QTMAN: variants seen among roughly 807,000 people sequenced by gnomAD.
QTMAN encodes tRNA-queuosine alpha-mannosyltransferase.
At chr2:144,273,380 C>T in the QTMAN span, among the ~76,000 whole-genome samples, 1 of 152,110 alleles carries the variant, frequency 6.6e-6, no homozygotes. Flanking sequence ...AACAAGCTGG[C>T]TTATGTACAA....
the QTMAN span, among the ~76,000 whole-genome samples, chr2:143,979,448 A>T: frequency 1.3e-5 from 2 of 152,206 alleles, no homozygotes; most frequent in Non-Finnish European, 1.5e-5. Context: ...TGTCCATTGT[A>T]ATAAAATCCA....
At chr2:144,070,355 A>G in the QTMAN span, among the ~76,000 whole-genome samples, 1 of 152,094 alleles carries the variant, frequency 6.6e-6, no homozygotes, top group Admixed American at 6.5e-5. Context: ...CTAATTTTCT[A>G]AATGTATCTA....
At chr2:143,957,074 T>C in the QTMAN span, 1 of 746,478 alleles carries the variant, frequency 1.3e-6, no homozygotes. Context: ...AAATAGGTGA[T>C]AGTCAATTGA....
the QTMAN span, among the ~76,000 whole-genome samples, chr2:144,292,355 CA>C: frequency 2.0e-5 from 3 of 152,160 alleles, no homozygotes; most frequent in African/African-American, 7.2e-5. Context: ...ACCCTTTTCC[CA>C]AATCTTCCCC....
chr2:144,005,242 TTTC>T, the QTMAN span, among the ~76,000 whole-genome samples: 1 of 152,172 alleles, frequency 6.6e-6, no homozygotes, highest in South Asian at 2.1e-4. Context: ...ATAAAGTGCT[TTTC>T]TTTTCTCTTT....
At chr2:144,125,717 C>T in the QTMAN span, among the ~76,000 whole-genome samples, 3 of 151,978 alleles carry the variant, frequency 2.0e-5, no homozygotes, top group African/African-American at 7.3e-5. Context: ...TAGAAAATAC[C>T]TTATTTCATG....
chr2:144,263,141 G>A, the QTMAN span, among the ~76,000 whole-genome samples: 1 of 151,790 alleles, frequency 6.6e-6, no homozygotes, highest in Non-Finnish European at 1.5e-5. Flanking sequence ...AAGTTTTCAG[G>A]ATATGTGCTC....
At chr2:144,062,868 C>G in the QTMAN span, among the ~76,000 whole-genome samples, 2 of 152,058 alleles carry the variant, frequency 1.3e-5, no homozygotes, top group Non-Finnish European at 2.9e-5. Flanking sequence ...CTCCTTTGTA[C>G]GAGAAATTCA....
At chr2:144,079,200 C>G in the QTMAN span, among the ~76,000 whole-genome samples, 9 of 152,150 alleles carry the variant, frequency 5.9e-5, no homozygotes, top group Admixed American at 1.3e-4. Context: ...CATTATTTGG[C>G]AAGCACATAG....
At chr2:144,000,863 A>G in the QTMAN span, among the ~76,000 whole-genome samples, 4 of 152,012 alleles carry the variant, frequency 2.6e-5, no homozygotes, top group African/African-American at 9.7e-5. Flanking sequence ...GAAATAGAAC[A>G]AAGAACATTA....
At chr2:144,313,500 C>T in the QTMAN span, among the ~76,000 whole-genome samples, 523 of 152,206 alleles carry the variant, frequency 3.4e-3, 2 homozygotes, top group African/African-American at 0.012. Flanking sequence ...AGGGGGAAAG[C>T]TACTGACTAA....
the QTMAN span, among the ~76,000 whole-genome samples, chr2:144,168,913 T>G: frequency 6.6e-6 from 1 of 152,028 alleles, no homozygotes; most frequent in Non-Finnish European, 1.5e-5. Flanking sequence ...CATTAAGCTA[T>G]GTATCTAACA....
the QTMAN span, among the ~76,000 whole-genome samples, chr2:143,947,503 T>G: frequency 1.3e-5 from 2 of 152,208 alleles, no homozygotes; most frequent in Non-Finnish European, 2.9e-5. Context: ...TACATACAAG[T>G]TTCTGCCGTG....
the QTMAN span, among the ~76,000 whole-genome samples, chr2:143,963,599 C>T: frequency 5.9e-5 from 9 of 151,736 alleles, no homozygotes; most frequent in Non-Finnish European, 1.2e-4. Context: ...TGCTAGTTTG[C>T]CCTTTCATTT....
the QTMAN span, among the ~76,000 whole-genome samples, chr2:144,320,767 C>T: frequency 1.3e-5 from 2 of 152,330 alleles, no homozygotes; most frequent in South Asian, 2.1e-4. Flanking sequence ...AGCTGATCAT[C>T]AGTTCTATGC....
At chr2:144,139,175 T>TA in the QTMAN span, among the ~76,000 whole-genome samples, 2 of 152,072 alleles carry the variant, frequency 1.3e-5, no homozygotes, top group South Asian at 2.1e-4. Context: ...CTCAAGGTGA[T>TA]AAAGTAAATA....
At chr2:143,977,099 T>C in the QTMAN span, among the ~76,000 whole-genome samples, 1 of 152,190 alleles carries the variant, frequency 6.6e-6, no homozygotes, top group Non-Finnish European at 1.5e-5. Context: ...TCTCCATCTT[T>C]TGTATTTGTA....
chr2:143,965,533 C>T, the QTMAN span, among the ~76,000 whole-genome samples: 1 of 152,150 alleles, frequency 6.6e-6, no homozygotes, highest in Non-Finnish European at 1.5e-5. Flanking sequence ...GACCCAGTCC[C>T]AAGCCTGGTT....
At chr2:144,120,341 C>A in the QTMAN span, among the ~76,000 whole-genome samples, 1 of 152,134 alleles carries the variant, frequency 6.6e-6, no homozygotes, top group Non-Finnish European at 1.5e-5. Flanking sequence ...TCCAACTGCC[C>A]CAATATCTGT....
Sources: allele counts gnomAD v4.1 joint callset (sites outside exome capture counted in the v4.1 genomes callset), GRCh38; gene constraint gnomAD v4.1.1; transcripts MANE v1.5; gene names NCBI Gene and HGNC (gene_info 2026-07-23, HGNC 2026-07-21).